The following CENPP variants were observed in gnomAD, a reference collection of about 807,000 sequenced individuals.
The protein encoded by CENPP is centromere protein P.
CENPP carries 24 observed loss-of-function variants against 35.6 expected under a neutral mutation model. The observed-to-expected ratio is 0.67, with a 90% confidence interval of 0.49 to 0.95. The LOEUF is 0.95. CENPP is among the 40% of genes least tolerant of loss of function. The pLI, the probability that CENPP is intolerant of heterozygous loss-of-function variation, is 0.00. For missense variants in CENPP, 332 were observed against 345.3 expected, an observed-to-expected ratio of 0.96 and a Z score of 0.31; for synonymous variants, 120 against 125.5, an observed-to-expected ratio of 0.96 and a Z score of 0.29.
intron 5 of CENPP, among the ~76,000 whole-genome samples, chr9:92,542,466 C>T (rs978777126): frequency 2.6e-5 from 4 of 151,436 alleles, no homozygotes; most frequent in Non-Finnish European, 5.9e-5. Flanking sequence ...TAATTGCCTA[C>T]ACCAATATCA....
chr9:92,570,415 C>T lies in CENPP; in HGVS notation c.565-40899C>T, dbSNP rs546541936. Among the ~76,000 whole-genome samples, 723 of 152,224 alleles carry T rather than the reference C, an allele frequency of 4.7e-3. 3 individuals carry two copies. Among genetic ancestry groups the T allele is most frequent in the Middle Eastern group, 6.8e-3 (2 of 294 alleles). ...GCATATGTTGAACCAGCCTTGCATCCCAGGGATGAAGCCCACTTGATCATG... is the reference window on the plus strand; with the variant it reads ...GCATATGTTGAACCAGCCTTGCATCTCAGGGATGAAGCCCACTTGATCATG... On this transcript the variant is annotated intron_variant, in intron 5 of 7. Transcript: ENST00000375587.
At chr9:92,466,572 C>T in intron 5 of CENPP, 1 of 1,611,650 alleles carries the variant, frequency 6.2e-7, no homozygotes. Flanking sequence ...GGATCAGACC[C>T]TTGATCAAGC....
intron 5 of CENPP, among the ~76,000 whole-genome samples, chr9:92,398,181 A>G (rs1292706530): frequency 2.0e-5 from 3 of 152,210 alleles, no homozygotes; most frequent in Non-Finnish European, 1.5e-5. Context: ...GCCTGAAGGT[A>G]TATAGGAAAA....
At chr9:92,347,116 A>G (rs1841314881) in intron 4 of CENPP, among the ~76,000 whole-genome samples, 1 of 152,218 alleles carries the variant, frequency 6.6e-6, no homozygotes, top group Non-Finnish European at 1.5e-5. Flanking sequence ...AGAACTAGAA[A>G]AGGCCCTAGA....
intron 5 of CENPP, among the ~76,000 whole-genome samples, chr9:92,561,794 G>A (rs1225234917): frequency 3.3e-5 from 5 of 152,164 alleles, no homozygotes; most frequent in Non-Finnish European, 2.9e-5. Context: ...AGCCAGATGG[G>A]AGAGAAACAA....
At chr9:92,562,843 C>G (rs2131343676) in intron 5 of CENPP, among the ~76,000 whole-genome samples, 1 of 152,190 alleles carries the variant, frequency 6.6e-6, no homozygotes, top group East Asian at 1.9e-4. Context: ...ACCGATGTAA[C>G]CCATCACTTA....
At position 92,505,688 on chromosome 9, in the gene CENPP, A is replaced by G. The variant is rs555157765; in HGVS notation, c.565-105626A>G. The G allele has an allele frequency of 4.1e-5, 65 of 1,566,684 alleles. 1 individual carries two copies. The South Asian group carries it at 7.3e-4, about 18-fold the overall frequency. ...AATTCTAAGGTGACCAACTGATTTA[A>G]GTCTATAAAAAATAAAAGTATTAGA... is the stretch of plus-strand genomic sequence containing the variant. On this transcript the variant is annotated intron_variant, in intron 5 of 7. Transcript: ENST00000375587.
At chr9:92,512,528 TC>T (rs1211498042) in intron 5 of CENPP, among the ~76,000 whole-genome samples, 1 of 152,212 alleles carries the variant, frequency 6.6e-6, no homozygotes, top group Non-Finnish European at 1.5e-5. Context: ...GAAACATGCC[TC>T]TGTTTTTGTC....
Position 92,474,753 on chromosome 9 carries a change from CA to C in CENPP, c.564+94895del, listed in dbSNP as rs1845650520. On this transcript the variant is annotated intron_variant, in intron 5 of 7. Coordinates refer to ENST00000375587, the MANE Select transcript of CENPP (RefSeq NM_001012267.3). The stretch of plus-strand genomic sequence containing the variant: ...AAAAGAGAGTTGTCCTCATCATCAT[CA>C]TCATCATCATCATCATCATCATCAT... 1.9e-6 allele frequency: 3 copies of C among 1,606,628 alleles called. No homozygotes were observed. In the Admixed American group the frequency reaches 5.0e-5, roughly 27 times the overall value.
chr9:92,522,603 T>C (rs1177741255), intron 5 of CENPP: 1 of 1,613,486 alleles, frequency 6.2e-7, no homozygotes, highest in East Asian at 2.2e-5. Context: ...TTGATTCTAC[T>C]CCAGGAAAAC....
At chr9:92,564,680 C>G (rs751430103) in intron 5 of CENPP, among the ~76,000 whole-genome samples, 38 of 152,066 alleles carry the variant, frequency 2.5e-4, no homozygotes, top group Non-Finnish European at 5.0e-4. Context: ...ATATAAGATC[C>G]CTCAGTATGT....
intron 5 of CENPP, among the ~76,000 whole-genome samples, chr9:92,531,589 C>T (rs1279199510): frequency 1.3e-5 from 2 of 151,974 alleles, no homozygotes; most frequent in African/African-American, 4.8e-5. Flanking sequence ...ATCAGCAATC[C>T]GTGGCCTCTA....
intron 5 of CENPP, among the ~76,000 whole-genome samples, chr9:92,486,304 T>A (rs982244081): frequency 6.6e-6 from 1 of 152,228 alleles, no homozygotes; most frequent in Non-Finnish European, 1.5e-5. Flanking sequence ...TAAGATTTCA[T>A]GAGTTTTAAT....
Position 92,509,301 on chromosome 9 carries a change from A to G in CENPP, c.565-102013A>G, listed in dbSNP as rs542279086. 5.1e-4 allele frequency among the ~76,000 whole-genome samples: 77 copies of G among 152,326 alleles called. 1 individual carries two copies. The Middle Eastern group carries it at 0.014, about 27-fold the overall frequency. ...CAGAAAATTGCCAAAGTCAAAGTTA[A>G]TACCATGAAGAGCATGTGCTTTCTT... On this transcript the variant is annotated intron_variant, in intron 5 of 7. Transcript: ENST00000375587.
At chr9:92,566,515 C>G (rs1402094588) in intron 5 of CENPP, among the ~76,000 whole-genome samples, 1 of 151,902 alleles carries the variant, frequency 6.6e-6, no homozygotes, top group East Asian at 1.9e-4. Context: ...GAAATAGCAA[C>G]AAAGAGATAT....
At chr9:92,460,384 A>T in intron 5 of CENPP, 1 of 771,548 alleles carries the variant, frequency 1.3e-6, no homozygotes, top group South Asian at 1.9e-5. Flanking sequence ...TCCAACAGCA[A>T]CTGGCTAAAC....
intron 5 of CENPP, among the ~76,000 whole-genome samples, chr9:92,550,857 G>T (rs973274526): frequency 6.6e-6 from 1 of 152,130 alleles, no homozygotes; most frequent in Non-Finnish European, 1.5e-5. Flanking sequence ...TGGTGGCTCA[G>T]GAAGGAGCCA....
intron 5 of CENPP, among the ~76,000 whole-genome samples, chr9:92,537,637 G>T (rs1563994137): frequency 6.6e-6 from 1 of 152,058 alleles, no homozygotes. Context: ...TCCAGCCTGG[G>T]CAACAGAGCG....
chr9:92,601,857 G>C (rs931645557), intron 5 of CENPP, among the ~76,000 whole-genome samples: 1 of 152,178 alleles, frequency 6.6e-6, no homozygotes, highest in African/African-American at 2.4e-5. Context: ...TTTTGAATAT[G>C]GGTGTGCACA....
Sources: allele counts gnomAD v4.1 joint callset (sites outside exome capture counted in the v4.1 genomes callset), GRCh38; gene constraint gnomAD v4.1.1; transcripts MANE v1.5; gene names NCBI Gene and HGNC (gene_info 2026-07-23, HGNC 2026-07-21).